OR4D9: variants seen among roughly 807,000 people sequenced by gnomAD.
OR4D9 encodes olfactory receptor family 4 subfamily D member 9.
Under a neutral mutation model 0.8 loss-of-function variants are expected in OR4D9, and 2 were observed. The observed-to-expected ratio is 2.58, with a 90% CI of 1.06 to 8.13. The LOEUF is 8.13. Ranked by LOEUF, OR4D9 falls within the 30% of genes most tolerant of loss-of-function variation. The pLI is 0.04. For synonymous variants in OR4D9, 146 were observed against 151.2 expected, an observed-to-expected ratio of 0.97 and a Z score of 0.25; for missense variants, 399 against 384.7, an observed-to-expected ratio of 1.04 and a Z score of -0.31.
In OR4D9 at chr11:59,518,215, C is replaced by T. The variant is rs548137094; in HGVS notation, c.*2358C>T. On this transcript the variant is annotated 3_prime_UTR_variant, in exon 3 of 3. Coordinates refer to ENST00000641962, the MANE Select transcript of OR4D9 (RefSeq NM_001004711.2). ...TACTGTGTTCCCCACTATGATAAAG[C>T]TCAAGCCATAGCAGCTGGCACACAT... is the stretch of plus-strand genomic sequence containing the variant. 21 of 152,342 alleles carry T rather than the reference C, an allele frequency of 1.4e-4. No individual in the cohort carries two copies. The highest frequency in any genetic ancestry group is 5.1e-4 in the African/African-American group (21 of 41,580). The allele number at this position is 152,342 out of a possible 1,614,324, so 9.4% of individuals were successfully genotyped here.
rs751182851 is a variant in OR4D9, at chr11:59,515,691, G to A, written c.779G>A (p.Arg260Gln). The A allele has an allele frequency of 4.3e-5, 70 of 1,613,820 alleles. 1 individual carries two copies. In the South Asian group the frequency reaches 5.9e-4, roughly 14 times the overall value. The change falls in exon 3 of 3, where the codon CGG (arginine) becomes CAG (glutamine). Residue 260 changes from arginine (R) to glutamine (Q), a missense_variant. Transcript: ENST00000641962. ...GTGCCCTGCATCTATGTCTATGCCCGGCCCTTCACTGCCCTCCCCACAGAC... is the reference window on the plus strand; with the variant it reads ...GTGCCCTGCATCTATGTCTATGCCCAGCCCTTCACTGCCCTCCCCACAGAC... Reference protein sequence around the residue: ...HFVPCIYVYARPFTALPTDTA... With the variant: ...HFVPCIYVYAQPFTALPTDTA...
chr11:59,512,875 G>A (rs1859347375), intron 1 of OR4D9, among the ~76,000 whole-genome samples: 1 of 152,124 alleles, frequency 6.6e-6, no homozygotes, highest in African/African-American at 2.4e-5. Flanking sequence ...TCAGATGATA[G>A]CTGGTGATGA....
intron 1 of OR4D9, among the ~76,000 whole-genome samples, chr11:59,513,649 G>T (rs1279183560): frequency 6.6e-6 from 1 of 152,070 alleles, no homozygotes; most frequent in Non-Finnish European, 1.5e-5. Context: ...TATAATCAGT[G>T]CTACTGGTGA....
rs901861574 is a variant in OR4D9, at chr11:59,518,715, C to G, written c.*2858C>G. ...CTCATGCTGTCTTATGCTCCACAGT[C>G]TCTAGATCCTCATAATCCTGTTCAT... is the stretch of plus-strand genomic sequence containing the variant. On this transcript the variant is annotated 3_prime_UTR_variant, in exon 3 of 3. Transcript: ENST00000641962. 5.3e-5 allele frequency: 8 copies of G among 152,150 alleles called. No homozygotes were observed. Among genetic ancestry groups the G allele is most frequent in the Non-Finnish European group, 8.8e-5 (6 of 68,046 alleles). The allele number at this position is 152,150 out of a possible 1,614,324, so 9.4% of individuals were successfully genotyped here.
intron 1 of OR4D9, among the ~76,000 whole-genome samples, chr11:59,513,259 G>A (rs183223054): frequency 2.0e-5 from 3 of 152,172 alleles, no homozygotes; most frequent in African/African-American, 7.2e-5. Context: ...ATTTTTAGTA[G>A]AGACGGGGTT....
Position 59,516,111 on chromosome 11 carries a change from A to G in OR4D9, c.*254A>G. 2.7e-6 allele frequency: 1 copy of G among 365,448 alleles called. No individual in the cohort carries two copies. The highest frequency in any genetic ancestry group is 4.9e-6 in the Non-Finnish European group (1 of 203,866). 22.6% of individuals were successfully genotyped at this position (365,448 alleles called of 1,614,324 possible). On this transcript the variant is annotated 3_prime_UTR_variant, in exon 3 of 3. Transcript: ENST00000641962. Reference sequence around the variant, plus strand: ...ATAGAGCATACACTATATGTCTGAAAGTACTGGGATTCAGATTGCTGCAAA... The same window carrying G: ...ATAGAGCATACACTATATGTCTGAAGGTACTGGGATTCAGATTGCTGCAAA...
Position 59,516,152 on chromosome 11 carries a change from C to G in OR4D9, c.*295C>G. The stretch of plus-strand genomic sequence containing the variant: ...TTGCTGCAAAAAGATTAAATGTAGT[C>G]ACCTTCCTGGAGGCATAACCCAAAA... On this transcript the variant is annotated 3_prime_UTR_variant, in exon 3 of 3. Transcript: ENST00000641962. 1 of 267,848 alleles carries G rather than the reference C, an allele frequency of 3.7e-6. No homozygotes were observed. The highest frequency in any genetic ancestry group is 7.0e-6 in the Non-Finnish European group (1 of 142,126). 16.6% of individuals were successfully genotyped at this position (267,848 alleles called of 1,614,324 possible).
Position 59,515,277 on chromosome 11 carries a change from G to A in OR4D9, c.365G>A (p.Arg122His), listed in dbSNP as rs370202918. Residue 122 changes from arginine to histidine, a missense_variant, in exon 3 of 3, where the codon CGC becomes CAC. Coordinates refer to ENST00000641962, the MANE Select transcript of OR4D9 (RefSeq NM_001004711.2). ...VFSLSVMAFD[R>H]YIAISKPLHY... ...TCTCTCTCTGTGATGGCGTTTGACC[G>A]CTATATAGCCATCTCCAAGCCCCTG... 81 of 1,612,070 alleles carry A rather than the reference G, an allele frequency of 5.0e-5. No individual in the cohort carries two copies. Among genetic ancestry groups the A allele is most frequent in the African/African-American group, 4.3e-4 (32 of 74,752 alleles).
rs1022237512 is a variant in OR4D9 at position 59,520,659 on chromosome 11, G to A, written c.*4802G>A. On this transcript the variant is annotated 3_prime_UTR_variant, in exon 3 of 3. Transcript: ENST00000641962. ...AATGAAGTCAATTGAGGAGATAATA[G>A]GGTTTTATTTTTTCTTTTCCTTGCA... The A allele has an allele frequency of 6.6e-6, 1 of 151,880 alleles. No individual in the cohort carries two copies. Among genetic ancestry groups the A allele is most frequent in the Non-Finnish European group, 1.5e-5 (1 of 67,982 alleles). 9.4% of individuals were successfully genotyped at this position (151,880 alleles called of 1,614,324 possible). A position where few individuals can be genotyped will look rare whatever the true frequency, so the allele number is the denominator to read the frequency against.
chr11:59,515,122 C>T lies in OR4D9; in HGVS notation c.210C>T (p.Asp70=), dbSNP rs147488493. ...TGCTCCGCAACCTGTCTATTCTTGA[C>T]ATCTGCTTTTCCTCCATCACAGCTC... ...YFLLRNLSIL[D]ICFSSITAPK... The change falls in exon 3 of 3, where the codon GAC becomes GAT. Residue 70 remains aspartate, a synonymous_variant. Transcript: ENST00000641962. 2.9e-4 allele frequency: 476 copies of T among 1,614,160 alleles called. 6 individuals are homozygous for T. The East Asian group carries it at 0.011, about 36-fold the overall frequency.
chr11:59,514,862 C>T lies in OR4D9; in HGVS notation c.-30-21C>T, dbSNP rs746278120. On this transcript the variant is annotated intron_variant, in intron 2 of 2. Transcript: ENST00000641962. ...TTTAGGACCTATCAATATTATTTAA[C>T]TGCACTATTATTTCTTCCAGAGATG... 8 of 1,160,888 alleles carry T rather than the reference C, an allele frequency of 6.9e-6. No homozygotes were observed. In the African/African-American group the frequency reaches 9.2e-5, roughly 13 times the overall value. The allele number at this position is 1,160,888 out of a possible 1,614,324, so 71.9% of individuals were successfully genotyped here. A position where few individuals can be genotyped will look rare whatever the true frequency, so the allele number is the denominator to read the frequency against.
In OR4D9 at chr11:59,515,171, T is replaced by C; in HGVS notation, c.259T>C (p.Ser87Pro). The part of the protein sequence containing the change: ...TAPKVLIDLL[S>P]ETKTISFSGC... ...TCCTAAGGTCCTGATAGATCTTCTATCAGAGACAAAAACCATCTCCTTCAG... is the reference window on the plus strand; with the variant it reads ...TCCTAAGGTCCTGATAGATCTTCTACCAGAGACAAAAACCATCTCCTTCAG... The change falls in exon 3 of 3, where the codon TCA becomes CCA. Residue 87 changes from serine to proline, a missense_variant. Physicochemically the swap from Ser to Pro is moderately conservative, Grantham distance 74 (BLOSUM62 -1). Transcript: ENST00000641962. 1 of 1,614,182 alleles carries C rather than the reference T, an allele frequency of 6.2e-7. No homozygotes were observed. The highest frequency in any genetic ancestry group is 8.5e-7 in the Non-Finnish European group (1 of 1,180,028).
rs1322286910 is a variant in OR4D9 at position 59,515,785 on chromosome 11, T to A, written c.873T>A (p.Asn291Lys). The A allele has an allele frequency of 1.9e-6, 3 of 1,614,072 alleles. No individual in the cohort carries two copies. Among genetic ancestry groups the A allele is most frequent in the Non-Finnish European group, 2.5e-6 (3 of 1,180,018 alleles). The change falls in exon 3 of 3, where the codon AAT becomes AAA. Residue 291 changes from asparagine (N) to lysine (K), a missense_variant. Coordinates refer to ENST00000641962, the MANE Select transcript of OR4D9 (RefSeq NM_001004711.2). ...LLNPIIYTLRNQEMKLAMRKL... is the reference protein window; with the variant it reads ...LLNPIIYTLRKQEMKLAMRKL... ...ATCCTATAATTTACACGCTGAGGAA[T>A]CAGGAAATGAAGTTGGCCATGAGGA...
chr11:59,520,016 G>T lies in OR4D9; in HGVS notation c.*4159G>T, dbSNP rs1005644911. 3.9e-5 allele frequency: 6 copies of T among 152,128 alleles called. No individual in the cohort carries two copies. Among genetic ancestry groups the T allele is most frequent in the Non-Finnish European group, 8.8e-5 (6 of 68,016 alleles). The allele number at this position is 152,128 out of a possible 1,614,324, so 9.4% of individuals were successfully genotyped here. ...AGAGCTAACCATCGATTTACACATG[G>T]ACACAAAGATGGGAACAAAAGACAC... On this transcript the variant is annotated 3_prime_UTR_variant, in exon 3 of 3. Coordinates refer to ENST00000641962, the MANE Select transcript of OR4D9 (RefSeq NM_001004711.2).
Position 59,516,121 on chromosome 11 carries a change from T to A in OR4D9, c.*264T>A, listed in dbSNP as rs1289083116. On this transcript the variant is annotated 3_prime_UTR_variant, in exon 3 of 3. Transcript: ENST00000641962. Reference sequence around the variant, plus strand: ...CACTATATGTCTGAAAGTACTGGGATTCAGATTGCTGCAAAAAGATTAAAT... The same window carrying A: ...CACTATATGTCTGAAAGTACTGGGAATCAGATTGCTGCAAAAAGATTAAAT... 1 of 325,350 alleles carries A rather than the reference T, an allele frequency of 3.1e-6. No individual in the cohort carries two copies. The highest frequency in any genetic ancestry group is 2.1e-5 in the African/African-American group (1 of 47,070). 20.2% of individuals were successfully genotyped at this position (325,350 alleles called of 1,614,324 possible). A position where few individuals can be genotyped will look rare whatever the true frequency, so the allele number is the denominator to read the frequency against.
chr11:59,520,171 C>T lies in OR4D9; in HGVS notation c.*4314C>T, dbSNP rs1393998114. 6.6e-6 allele frequency: 1 copy of T among 152,050 alleles called. No homozygotes were observed. Among genetic ancestry groups the T allele is most frequent in the African/African-American group, 2.4e-5 (1 of 41,374 alleles). 9.4% of individuals were successfully genotyped at this position (152,050 alleles called of 1,614,324 possible). On this transcript the variant is annotated 3_prime_UTR_variant, in exon 3 of 3. Coordinates refer to ENST00000641962, the MANE Select transcript of OR4D9 (RefSeq NM_001004711.2). ...TGGGCACTCTACCCTAATGTTCTAT[C>T]TCATGGAACCCTGCCCTTCTAGTCA...
At position 59,515,185 on chromosome 11, in the gene OR4D9, C is replaced by A. The variant is rs747731867; in HGVS notation, c.273C>A (p.Thr91=). 2 of 1,614,020 alleles carry A rather than the reference C, an allele frequency of 1.2e-6. No individual in the cohort carries two copies. Among genetic ancestry groups the A allele is most frequent in the African/African-American group, 2.7e-5 (2 of 74,908 alleles). ...VLIDLLSETK[T]ISFSGCVTQM... ...TAGATCTTCTATCAGAGACAAAAAC[C>A]ATCTCCTTCAGTGGCTGTGTCACTC... The change falls in exon 3 of 3, where the codon ACC becomes ACA. Residue 91 remains threonine, a synonymous_variant. Transcript: ENST00000641962.
rs1449877576 is a variant in OR4D9 at position 59,511,690 on chromosome 11, G to A, written c.-181G>A. ...TTTGTGCTGAATTTTGAGAAATGCTGCAAATGTGTAGAATGTTCCTATGGA... is the reference window on the plus strand; with the variant it reads ...TTTGTGCTGAATTTTGAGAAATGCTACAAATGTGTAGAATGTTCCTATGGA... On this transcript the variant is annotated 5_prime_UTR_variant, in exon 1 of 3. Transcript: ENST00000641962. The A allele has an allele frequency of 6.6e-6, 1 of 152,192 alleles. No individual in the cohort carries two copies. The highest frequency in any genetic ancestry group is 1.5e-5 in the Non-Finnish European group (1 of 68,056). 9.4% of individuals were successfully genotyped at this position (152,192 alleles called of 1,614,324 possible). A position where few individuals can be genotyped will look rare whatever the true frequency, so the allele number is the denominator to read the frequency against.
intron 1 of OR4D9, among the ~76,000 whole-genome samples, chr11:59,513,598 C>T (rs1859360029): frequency 6.6e-6 from 1 of 152,034 alleles, no homozygotes; most frequent in Admixed American, 6.6e-5. Flanking sequence ...ATCTTTTCTA[C>T]TGTTGATGGA....
Sources: gnomAD v4.1 joint callset for allele counts (sites outside exome capture counted in the v4.1 genomes callset) on GRCh38, gnomAD v4.1.1 for gene constraint, MANE v1.5 for transcripts, NCBI Gene and HGNC (gene_info 2026-07-23, HGNC 2026-07-21) for gene names.